Variants in KIDINS220 observed in about 807,000 individuals in gnomAD.
The protein encoded by KIDINS220 is kinase D interacting substrate 220.
In KIDINS220, 63 loss-of-function variants were observed where a neutral mutation model predicts 157.6. That is an observed-to-expected ratio of 0.40 (90% confidence interval 0.33 to 0.49). The LOEUF (loss-of-function observed/expected upper bound fraction) is 0.49. Among genes scored for constraint, KIDINS220 ranks in the 20% least tolerant of loss-of-function variants. The pLI, the probability that KIDINS220 is intolerant of heterozygous loss-of-function variation, is 0.66. For missense variants in KIDINS220, 1,772 were observed against 2,171.2 expected (o/e 0.82, Z 3.65); for synonymous variants, 732 against 783.6 (o/e 0.93, Z 1.10).
chr2:8,741,375 T>C (rs1665603729), intron 26 of KIDINS220, among the ~76,000 whole-genome samples: 1 of 152,216 alleles, frequency 6.6e-6, no homozygotes, highest in South Asian at 2.1e-4. Flanking sequence ...AAGACCAGCC[T>C]GGCCAACATG....
intron 22 of KIDINS220, chr2:8,757,363 T>A: frequency 9.4e-7 from 1 of 1,062,840 alleles, no homozygotes; most frequent in Non-Finnish European, 1.1e-6. Context: ...AAATATCTAT[T>A]TTTTATATTT....
At chr2:8,742,980 C>T (rs1308451496) in intron 26 of KIDINS220, among the ~76,000 whole-genome samples, 2 of 152,138 alleles carry the variant, frequency 1.3e-5, no homozygotes. Flanking sequence ...AACTACAGAG[C>T]TTCGAGAGCA....
At chr2:8,759,487 A>G (rs562825902) in intron 22 of KIDINS220, among the ~76,000 whole-genome samples, 125 of 151,394 alleles carry the variant, frequency 8.3e-4, no homozygotes, top group African/African-American at 2.9e-3. Flanking sequence ...TACGCATGTA[A>G]TTTAAAGGAT....
intron 7 of KIDINS220, among the ~76,000 whole-genome samples, chr2:8,805,130 G>A (rs1675262006): frequency 1.3e-5 from 2 of 152,218 alleles, no homozygotes; most frequent in African/African-American, 2.4e-5. Flanking sequence ...ATAGGATGAG[G>A]TCTGAAAGGG....
chr2:8,759,288 AG>A (rs1379572450), intron 22 of KIDINS220, among the ~76,000 whole-genome samples: 1 of 152,170 alleles, frequency 6.6e-6, no homozygotes, highest in African/African-American at 2.4e-5. Context: ...AAACCATAAA[AG>A]CACTTGTATA....
At chr2:8,825,794 T>C (rs1053085672) in intron 2 of KIDINS220, 2 of 152,166 alleles carry the variant, frequency 1.3e-5, no homozygotes, top group African/African-American at 2.4e-5. Context: ...CAAATAATAA[T>C]AGCTTGGCTT....
intron 11 of KIDINS220, 130 bp from the exon 12 acceptor site, chr2:8,794,117 T>A: frequency 1.6e-6 from 1 of 629,716 alleles, no homozygotes; most frequent in Non-Finnish European, 2.5e-6. Context: ...AGCACATATA[T>A]AATATGAATT....
intron 22 of KIDINS220, among the ~76,000 whole-genome samples, chr2:8,765,407 G>A (rs1669341310): frequency 6.6e-6 from 1 of 152,122 alleles, no homozygotes; most frequent in African/African-American, 2.4e-5. Context: ...CCAGGGGTTT[G>A]TATATCAGAG....
intron 17 of KIDINS220, among the ~76,000 whole-genome samples, chr2:8,781,671 G>C (rs921032350): frequency 2.0e-5 from 3 of 151,666 alleles, no homozygotes; most frequent in Non-Finnish European, 4.4e-5. Flanking sequence ...ATAACACATG[G>C]GTCAAAGAAA....
chr2:8,751,145 T>A (rs1264222550), intron 23 of KIDINS220, among the ~76,000 whole-genome samples: 1 of 138,224 alleles, frequency 7.2e-6, no homozygotes, highest in Non-Finnish European at 1.5e-5. Flanking sequence ...CATGACTGTA[T>A]GTTAAAAGAA....
rs578123845 is a variant in KIDINS220, at chr2:8,800,986, C to T, written c.802-488G>A. ...CATTCAATTAAGGGAGAAAGTTCCCCGAGCAGCATCCATGAAAACCTAGTG... is the reference window on the plus strand; with the variant it reads ...CATTCAATTAAGGGAGAAAGTTCCCTGAGCAGCATCCATGAAAACCTAGTG... On this transcript the variant is annotated intron_variant, in intron 8 of 29. Transcript: ENST00000256707. Among the ~76,000 whole-genome samples the T allele has an allele frequency of 5.3e-5, 8 of 152,202 alleles. 1 individual carries two copies. Among genetic ancestry groups the T allele is most frequent in the African/African-American group, 1.9e-4 (8 of 41,512 alleles).
intron 8 of KIDINS220, 114 bp downstream of exon 8, chr2:8,802,816 C>T (rs1674906199): frequency 2.6e-6 from 2 of 773,538 alleles, no homozygotes; most frequent in Non-Finnish European, 4.1e-6. Context: ...CAGAAATAAA[C>T]TTATTTTAAA....
At chr2:8,726,648 A>T (rs1663348215), downstream of KIDINS220, among the ~76,000 whole-genome samples, 1 of 152,186 alleles carries the variant, frequency 6.6e-6, no homozygotes, top group Non-Finnish European at 1.5e-5. Flanking sequence ...CACCCACTAC[A>T]CACCTAGGCT....
chr2:8,790,840 T>C (rs1673084240), intron 13 of KIDINS220, among the ~76,000 whole-genome samples: 1 of 152,100 alleles, frequency 6.6e-6, no homozygotes, highest in Admixed American at 6.5e-5. Context: ...CGAAAAAAAC[T>C]TGCCAGCAAG....
At chr2:8,762,965 T>G (rs758304050) in intron 22 of KIDINS220, among the ~76,000 whole-genome samples, 2 of 152,166 alleles carry the variant, frequency 1.3e-5, no homozygotes, top group Non-Finnish European at 2.9e-5. Flanking sequence ...ATTTGAGATT[T>G]TATATGTTGC....
intron 11 of KIDINS220, among the ~76,000 whole-genome samples, chr2:8,795,085 T>G (rs1412010915): frequency 6.6e-6 from 1 of 151,874 alleles, no homozygotes; most frequent in Non-Finnish European, 1.5e-5. Context: ...AGCATAAGAG[T>G]CCATTTTGAC....
In KIDINS220 at chr2:8,800,399, C is replaced by T; in HGVS notation, c.900+1G>A. ...AGCAACTGCACTGTAATCACACATACCTGTCCTCTAATGTCTATATCAGCA... is the reference window on the plus strand; with the variant it reads ...AGCAACTGCACTGTAATCACACATATCTGTCCTCTAATGTCTATATCAGCA... On this transcript the variant is annotated splice_donor_variant, in intron 9 of 29. Coordinates refer to ENST00000256707, the MANE Select transcript of KIDINS220 (RefSeq NM_020738.4). LOFTEE classifies it high-confidence loss of function. 4 of 1,597,924 alleles carry T rather than the reference C, an allele frequency of 2.5e-6. No individual in the cohort carries two copies. The highest frequency in any genetic ancestry group is 1.7e-6 in the Non-Finnish European group (2 of 1,168,236).
chr2:8,790,033 G>A lies in KIDINS220; in HGVS notation c.1468C>T (p.Gln490Ter). 1.3e-6 allele frequency: 2 copies of A among 1,598,856 alleles called. No individual in the cohort carries two copies. Among genetic ancestry groups the A allele is most frequent in the Non-Finnish European group, 8.5e-7 (1 of 1,176,432 alleles). The change falls in exon 14 of 30, where the codon CAG becomes TAG. Residue 490 changes from glutamine to a stop codon, truncating the protein, a stop_gained. Coordinates refer to ENST00000256707, the MANE Select transcript of KIDINS220 (RefSeq NM_020738.4). LOFTEE classifies it high-confidence loss of function. ...EDEMKTFAGQ[Q>*]IEPLFQFSWL... ...GAGAACTGAAAGAGAGGCTCAATCTGTTGTCCGGCGAAGGTTTTCATTTCG... is the reference window on the plus strand; with the variant it reads ...GAGAACTGAAAGAGAGGCTCAATCTATTGTCCGGCGAAGGTTTTCATTTCG...
chr2:8,747,268 T>C (rs1666718002), intron 25 of KIDINS220, 67 bp from the exon 26 acceptor site: 2 of 1,320,398 alleles, frequency 1.5e-6, no homozygotes, highest in East Asian at 4.6e-5. Context: ...TGAAGACAAA[T>C]GAACATGATG....
Sources: gnomAD v4.1 joint callset for allele counts (sites outside exome capture counted in the v4.1 genomes callset) on GRCh38, gnomAD v4.1.1 for gene constraint, MANE v1.5 for transcripts, NCBI Gene and HGNC (gene_info 2026-07-23, HGNC 2026-07-21) for gene names.